SYDE1: variants seen among roughly 807,000 people sequenced by gnomAD.
SYDE1 encodes the protein synapse defective Rho GTPase activating protein 1, also known as rho GTPase-activating protein SYDE1.
A neutral mutation model predicts 63.3 loss-of-function variants in SYDE1; 34 were observed. That is an observed-to-expected ratio of 0.54 (90% CI 0.41 to 0.71). SYDE1 has a LOEUF of 0.71. Among genes scored for constraint, SYDE1 ranks in the 30% least tolerant of loss-of-function variants. The pLI is 0.00. For synonymous variants in SYDE1, 467 were observed against 473.4 expected (o/e 0.99, Z 0.18); for missense variants, 925 against 1,042.5 (o/e 0.89, Z 1.55).
rs376968561 is a variant in SYDE1 at position 15,110,158 on chromosome 19, G to C, written c.885G>C (p.Val295=). 10 of 1,407,558 alleles carry C rather than the reference G, an allele frequency of 7.1e-6. 1 individual carries two copies. In the African/African-American group the frequency reaches 1.1e-4, roughly 15 times the overall value. 87.2% of individuals were successfully genotyped at this position (1,407,558 alleles called of 1,614,324 possible). A position where few individuals can be genotyped will look rare whatever the true frequency, so the allele number is the denominator to read the frequency against. Residue 295 remains valine, a synonymous_variant, in exon 3 of 8, where the codon GTG becomes GTC. Coordinates refer to ENST00000342784, the MANE Select transcript of SYDE1 (RefSeq NM_033025.6). This position sits in a 1 kb window ranked among gnomAD's most constrained non-coding sequence, Gnocchi z 6.9. ...TPRDLCCLLQ[V]DGEARARTGP... is the part of the protein sequence containing the mutation. The stretch of plus-strand genomic sequence containing the variant: ...GGGACCTCTGCTGCCTACTGCAAGT[G>C]GATGGGGAGGCCAGGGCCCGAACAG...
At position 15,109,609 on chromosome 19, in the gene SYDE1, A is replaced by G; in HGVS notation, c.431-95A>G. The G allele has an allele frequency of 2.2e-6, 2 of 919,004 alleles. No homozygotes were observed. The highest frequency in any genetic ancestry group is 3.5e-5 in the South Asian group (2 of 56,752). The allele number at this position is 919,004 out of a possible 1,614,324, so 56.9% of individuals were successfully genotyped here. A position where few individuals can be genotyped will look rare whatever the true frequency, so the allele number is the denominator to read the frequency against. ...ACACCCTCCTCCCCGCCAGGGGAAC[A>G]CCAGCCTCACACTCCTTCCCTTCAG... On this transcript the variant is annotated intron_variant, in intron 2 of 7. Coordinates refer to ENST00000342784, the MANE Select transcript of SYDE1 (RefSeq NM_033025.6). The surrounding 1 kb of genome is among the most constrained non-coding windows in gnomAD (Gnocchi z 5.0).
chr19:15,107,452 A>C lies in SYDE1; in HGVS notation c.19A>C (p.Arg7=), dbSNP rs1322450300. 2.7e-6 allele frequency: 4 copies of C among 1,498,498 alleles called. No individual in the cohort carries two copies. Among genetic ancestry groups the C allele is most frequent in the Non-Finnish European group, 3.6e-6 (4 of 1,114,204 alleles). The allele number at this position is 1,498,498 out of a possible 1,614,324, so 92.8% of individuals were successfully genotyped here. Residue 7 remains arginine (R), a synonymous_variant, in exon 1 of 8, where the codon AGG becomes CGG. Transcript: ENST00000342784. The stretch of plus-strand genomic sequence containing the variant: ...CCGCAGCATGGCCGAGCCGCTACTC[A>C]GGAAAACCTTCTCCCGCCTGCGGGG... MAEPLL[R]KTFSRLRGRE...
In SYDE1 at chr19:15,110,669, G is replaced by GC. The variant is rs2046340027; in HGVS notation, c.1230dup (p.Gly411ArgfsTer42). Reference sequence around the variant, plus strand: ...TGCCACTGCTGGTGGAGCGGGAGCGGCCCCCCGGCCAGGTGCCCCTCATCA... The same window carrying GC: ...TGCCACTGCTGGTGGAGCGGGAGCGGCCCCCCCGGCCAGGTGCCCCTCATCA... On this transcript the variant is annotated frameshift_variant, in exon 4 of 8. Coordinates refer to ENST00000342784, the MANE Select transcript of SYDE1 (RefSeq NM_033025.6). LOFTEE classifies it high-confidence loss of function. The surrounding 1 kb of genome is among the most constrained non-coding windows in gnomAD (Gnocchi z 6.9). The GC allele has an allele frequency of 5.1e-6, 8 of 1,583,676 alleles. No individual in the cohort carries two copies. The highest frequency in any genetic ancestry group is 5.1e-6 in the Non-Finnish European group (6 of 1,166,962).
chr19:15,114,944 C>T lies in SYDE1; in HGVS notation c.*981C>T, dbSNP rs2046376177. On this transcript the variant is annotated 3_prime_UTR_variant, in exon 8 of 8. Coordinates refer to ENST00000342784, the MANE Select transcript of SYDE1 (RefSeq NM_033025.6). Reference sequence around the variant, plus strand: ...TCCCTCTTCTTTTCCGCACCTCCATCTTTGTGGATAATAAATAAATATGCA... The same window carrying T: ...TCCCTCTTCTTTTCCGCACCTCCATTTTTGTGGATAATAAATAAATATGCA... 4.5e-6 allele frequency: 2 copies of T among 443,912 alleles called. No individual in the cohort carries two copies. The highest frequency in any genetic ancestry group is 4.5e-5 in the East Asian group (1 of 22,304). The allele number at this position is 443,912 out of a possible 1,614,324, so 27.5% of individuals were successfully genotyped here.
rs1006996106 is a variant in SYDE1 at position 15,109,651 on chromosome 19, C to A, written c.431-53C>A. Reference sequence around the variant, plus strand: ...TCCCTTCAGGGGAGCACCAGCCTCACCCCCCTCCCCTAAGCCCAGGTTCCT... The same window carrying A: ...TCCCTTCAGGGGAGCACCAGCCTCAACCCCCTCCCCTAAGCCCAGGTTCCT... On this transcript the variant is annotated intron_variant, in intron 2 of 7. Coordinates refer to ENST00000342784, the MANE Select transcript of SYDE1 (RefSeq NM_033025.6). The surrounding 1 kb of genome is among the most constrained non-coding windows in gnomAD (Gnocchi z 5.0). The A allele has an allele frequency of 2.2e-5, 25 of 1,124,382 alleles. No individual in the cohort carries two copies. Among genetic ancestry groups the A allele is most frequent in the Non-Finnish European group, 2.9e-5 (24 of 813,606 alleles). The allele number at this position is 1,124,382 out of a possible 1,614,324, so 69.7% of individuals were successfully genotyped here. A position where few individuals can be genotyped will look rare whatever the true frequency, so the allele number is the denominator to read the frequency against.
rs1294912211 is a variant in SYDE1 at position 15,109,709 on chromosome 19, G to A, written c.436G>A (p.Ala146Thr). ...GAAGTCTGCTCTCCACACAGGTGCA[G>A]CCCCCGCCAGCCCCCCAACCAAAGC... ...ESEGLAPQGA[A>T]PASPPTKASR... The change falls in exon 3 of 8, where the codon GCC becomes ACC. Residue 146 changes from alanine (A) to threonine (T), a missense_variant. Physicochemically the swap from Ala to Thr is moderately conservative, Grantham distance 58. Coordinates refer to ENST00000342784, the MANE Select transcript of SYDE1 (RefSeq NM_033025.6). The surrounding 1 kb of genome is among the most constrained non-coding windows in gnomAD (Gnocchi z 5.0). The A allele has an allele frequency of 1.3e-6, 2 of 1,500,210 alleles. No individual in the cohort carries two copies. The highest frequency in any genetic ancestry group is 1.8e-6 in the Non-Finnish European group (2 of 1,122,678). The allele number at this position is 1,500,210 out of a possible 1,614,324, so 92.9% of individuals were successfully genotyped here.
chr19:15,109,871 G>A lies in SYDE1; in HGVS notation c.598G>A (p.Val200Ile), dbSNP rs1300837645. ...ERERAAPAGS[V>I]ISRYHLDSSV... ...CGAGAGGGCTGCCCCTGCGGGCTCC[G>A]TCATCAGCCGCTACCACCTGGACAG... Residue 200 changes from valine to isoleucine, a missense_variant, in exon 3 of 8, where the codon GTC (valine) becomes ATC (isoleucine). Around this residue, in one of 3 missense-constraint regions of SYDE1, gnomAD observed 599 missense variants for 653.7 expected, o/e 0.92. Coordinates refer to ENST00000342784, the MANE Select transcript of SYDE1 (RefSeq NM_033025.6). The surrounding 1 kb of genome is among the most constrained non-coding windows in gnomAD (Gnocchi z 5.0). The A allele has an allele frequency of 2.0e-6, 3 of 1,521,990 alleles. No homozygotes were observed. Among genetic ancestry groups the A allele is most frequent in the Non-Finnish European group, 2.6e-6 (3 of 1,139,080 alleles). The allele number at this position is 1,521,990 out of a possible 1,614,324, so 94.3% of individuals were successfully genotyped here.
chr19:15,111,864 T>TATCTCA lies in SYDE1; in HGVS notation c.1578+72_1578+73insATCTCA. On this transcript the variant is annotated intron_variant, in intron 6 of 7. Transcript: ENST00000342784. This position sits in a 1 kb window ranked among gnomAD's most constrained non-coding sequence, Gnocchi z 5.5. ...ACCAATAGAATGTTTCACCCATGCC[T>TATCTCA]GGGCCTGAGATGGGCATGAGCTGGC... 1 of 1,438,074 alleles carries TATCTCA rather than the reference T, an allele frequency of 7.0e-7. No homozygotes were observed. The highest frequency in any genetic ancestry group is 9.3e-7 in the Non-Finnish European group (1 of 1,069,852). 89.1% of individuals were successfully genotyped at this position (1,438,074 alleles called of 1,614,324 possible).
chr19:15,109,185 T>C lies in SYDE1; in HGVS notation c.218T>C (p.Leu73Pro), dbSNP rs754176815. The change falls in exon 2 of 8, where the codon CTG becomes CCG. Residue 73 changes from leucine to proline, a missense_variant. Around this residue, in one of 3 missense-constraint regions of SYDE1, gnomAD observed 599 missense variants for 653.7 expected, o/e 0.92. Coordinates refer to ENST00000342784, the MANE Select transcript of SYDE1 (RefSeq NM_033025.6). The surrounding 1 kb of genome is among the most constrained non-coding windows in gnomAD (Gnocchi z 5.0). ...AGGAGCCCTGCACGGGGAGCCTACCTGCAAAGCCTGGAGCCCAGTAGCCGC... is the reference window on the plus strand; with the variant it reads ...AGGAGCCCTGCACGGGGAGCCTACCCGCAAAGCCTGGAGCCCAGTAGCCGC... ...ASRSPARGAYLQSLEPSSRRW... is the reference protein window; with the variant it reads ...ASRSPARGAYPQSLEPSSRRW... 2 of 1,559,096 alleles carry C rather than the reference T, an allele frequency of 1.3e-6. No individual in the cohort carries two copies. Among genetic ancestry groups the C allele is most frequent in the South Asian group, 1.2e-5 (1 of 84,842 alleles).
At position 15,109,600 on chromosome 19, in the gene SYDE1, C is replaced by G. The variant is rs1174358918; in HGVS notation, c.431-104C>G. Reference sequence around the variant, plus strand: ...ATCAGCCTCACACCCTCCTCCCCGCCAGGGGAACACCAGCCTCACACTCCT... The same window carrying G: ...ATCAGCCTCACACCCTCCTCCCCGCGAGGGGAACACCAGCCTCACACTCCT... On this transcript the variant is annotated intron_variant, in intron 2 of 7. Coordinates refer to ENST00000342784, the MANE Select transcript of SYDE1 (RefSeq NM_033025.6). This position sits in a 1 kb window ranked among gnomAD's most constrained non-coding sequence, Gnocchi z 5.0. 2 of 917,076 alleles carry G rather than the reference C, an allele frequency of 2.2e-6. No homozygotes were observed. Among genetic ancestry groups the G allele is most frequent in the Non-Finnish European group, 3.2e-6 (2 of 625,608 alleles). 56.8% of individuals were successfully genotyped at this position (917,076 alleles called of 1,614,324 possible).
At position 15,110,192 on chromosome 19, in the gene SYDE1, C is replaced by A; in HGVS notation, c.919C>A (p.Arg307=). 2 of 1,414,844 alleles carry A rather than the reference C, an allele frequency of 1.4e-6. No individual in the cohort carries two copies. Among genetic ancestry groups the A allele is most frequent in the Non-Finnish European group, 1.8e-6 (2 of 1,087,358 alleles). The allele number at this position is 1,414,844 out of a possible 1,614,324, so 87.6% of individuals were successfully genotyped here. Residue 307 remains arginine (R), a synonymous_variant, in exon 3 of 8, where the codon CGA becomes AGA. Coordinates refer to ENST00000342784, the MANE Select transcript of SYDE1 (RefSeq NM_033025.6). This position sits in a 1 kb window ranked among gnomAD's most constrained non-coding sequence, Gnocchi z 6.9. Reference sequence around the variant, plus strand: ...GGCCAGGGCCCGAACAGGGCCACTGCGAGGGGGGCCGGACTTCCTGCGGCT... The same window carrying A: ...GGCCAGGGCCCGAACAGGGCCACTGAGAGGGGGGCCGGACTTCCTGCGGCT... ...GEARARTGPL[R]GGPDFLRLDH...
In SYDE1 at chr19:15,108,984, G is replaced by C; in HGVS notation, c.89-72G>C. On this transcript the variant is annotated intron_variant, in intron 1 of 7. Coordinates refer to ENST00000342784, the MANE Select transcript of SYDE1 (RefSeq NM_033025.6). This position sits in a 1 kb window ranked among gnomAD's most constrained non-coding sequence, Gnocchi z 4.3. ...GGCCGTACACAGCATCCCACCCACTGATCAATTGCACAGGGCTGCTCTGCA... is the reference window on the plus strand; with the variant it reads ...GGCCGTACACAGCATCCCACCCACTCATCAATTGCACAGGGCTGCTCTGCA... The C allele has an allele frequency of 7.0e-7, 1 of 1,425,284 alleles. No individual in the cohort carries two copies. The highest frequency in any genetic ancestry group is 9.1e-7 in the Non-Finnish European group (1 of 1,094,352). The allele number at this position is 1,425,284 out of a possible 1,614,324, so 88.3% of individuals were successfully genotyped here.
At position 15,113,705 on chromosome 19, in the gene SYDE1, C is replaced by T. The variant is rs768230381; in HGVS notation, c.1950C>T (p.Arg650=). 2 of 1,613,488 alleles carry T rather than the reference C, an allele frequency of 1.2e-6. No homozygotes were observed. The highest frequency in any genetic ancestry group is 2.2e-5 in the East Asian group (1 of 44,866). ...RGGPESPPSN[R]YAGDWSVCGR... is the part of the protein sequence containing the mutation. ...GCCCCGAAAGCCCCCCGAGCAACCGCTACGCCGGCGACTGGAGCGTTTGCG... is the reference window on the plus strand; with the variant it reads ...GCCCCGAAAGCCCCCCGAGCAACCGTTACGCCGGCGACTGGAGCGTTTGCG... The change falls in exon 8 of 8, where the codon CGC becomes CGT. Residue 650 remains arginine (R), a synonymous_variant. Coordinates refer to ENST00000342784, the MANE Select transcript of SYDE1 (RefSeq NM_033025.6).
intron 1 of SYDE1, among the ~76,000 whole-genome samples, chr19:15,107,978 T>G (rs1215741434): frequency 6.6e-6 from 1 of 152,140 alleles, no homozygotes; most frequent in Non-Finnish European, 1.5e-5. Context: ...AGCTGCCCCC[T>G]CCGCCTCCCA....
In SYDE1 at chr19:15,111,876, G is replaced by T; in HGVS notation, c.1578+84G>T. On this transcript the variant is annotated intron_variant, in intron 6 of 7. Coordinates refer to ENST00000342784, the MANE Select transcript of SYDE1 (RefSeq NM_033025.6). The surrounding 1 kb of genome is among the most constrained non-coding windows in gnomAD (Gnocchi z 5.5). ...TTTCACCCATGCCTGGGCCTGAGAT[G>T]GGCATGAGCTGGCAGCATCATCATA... is the stretch of plus-strand genomic sequence containing the variant. 1.5e-6 allele frequency: 2 copies of T among 1,343,128 alleles called. No homozygotes were observed. Among genetic ancestry groups the T allele is most frequent in the Non-Finnish European group, 1.0e-6 (1 of 990,562 alleles). 83.2% of individuals were successfully genotyped at this position (1,343,128 alleles called of 1,614,324 possible). A position where few individuals can be genotyped will look rare whatever the true frequency, so the allele number is the denominator to read the frequency against.
intron 1 of SYDE1, 72 bp downstream of exon 1, chr19:15,107,593 G>A (rs1488325377): frequency 2.6e-6 from 3 of 1,139,840 alleles, no homozygotes; most frequent in Non-Finnish European, 3.7e-6. Context: ...CCAGGGCCCC[G>A]AGGACAGACG....
In SYDE1 at chr19:15,113,951, C is replaced by A; in HGVS notation, c.2196C>A (p.Asn732Lys). The A allele has an allele frequency of 1.9e-6, 3 of 1,611,852 alleles. No homozygotes were observed. Among genetic ancestry groups the A allele is most frequent in the Non-Finnish European group, 2.5e-6 (3 of 1,178,472 alleles). The change falls in exon 8 of 8, where the codon AAC becomes AAA. Residue 732 changes from asparagine (N) to lysine (K), a missense_variant. Around this residue, in one of 3 missense-constraint regions of SYDE1, gnomAD observed 255 missense variants for 255.9 expected, o/e 1.00. Transcript: ENST00000342784. ...DLERELSKQI[N>K]VCL ...AGAGAGAGCTCTCCAAGCAAATCAA[C>A]GTGTGCCTCTGAGCCAGATGACGGG...
In SYDE1 at chr19:15,108,432, G is replaced by A. The variant is rs935756060; in HGVS notation, c.89-624G>A. ...AAGGGGAAGTCCCAAAGCATTGAGC[G>A]TGGGGGGTCTGGCCTGGGCTGAGGG... On this transcript the variant is annotated intron_variant, in intron 1 of 7. Coordinates refer to ENST00000342784, the MANE Select transcript of SYDE1 (RefSeq NM_033025.6). This position sits in a 1 kb window ranked among gnomAD's most constrained non-coding sequence, Gnocchi z 4.3. 2.0e-5 allele frequency among the ~76,000 whole-genome samples: 3 copies of A among 152,260 alleles called. No homozygotes were observed. Among genetic ancestry groups the A allele is most frequent in the African/African-American group, 7.2e-5 (3 of 41,554 alleles).
chr19:15,114,013 G>C lies in SYDE1; in HGVS notation c.*50G>C, dbSNP rs1266742141. ...GTTAGTAAGGACCGGGCGCCCAGTGGCTAAGGCGGTGCCCTGGTGACCAAG... is the reference window on the plus strand; with the variant it reads ...GTTAGTAAGGACCGGGCGCCCAGTGCCTAAGGCGGTGCCCTGGTGACCAAG... On this transcript the variant is annotated 3_prime_UTR_variant, in exon 8 of 8. Coordinates refer to ENST00000342784, the MANE Select transcript of SYDE1 (RefSeq NM_033025.6). The C allele has an allele frequency of 1.3e-6, 2 of 1,550,588 alleles. No individual in the cohort carries two copies. The highest frequency in any genetic ancestry group is 8.7e-7 in the Non-Finnish European group (1 of 1,143,846).
Sources: allele counts gnomAD v4.1 joint callset (sites outside exome capture counted in the v4.1 genomes callset), GRCh38; gene constraint gnomAD v4.1.1; regional missense constraint gnomAD v4.1.1; non-coding constraint Gnocchi (gnomAD v3.1); transcripts MANE v1.5; gene names NCBI Gene and HGNC (gene_info 2026-07-23, HGNC 2026-07-21).